IPO11: variants seen among roughly 807,000 people sequenced by gnomAD.
IPO11 encodes importin-11.
IPO11 carries 66 observed loss-of-function variants against 143.2 expected under a neutral mutation model. The ratio of observed to expected loss-of-function variants is 0.46; its 90% CI spans 0.38 to 0.57. The LOEUF (loss-of-function observed/expected upper bound fraction) is 0.57, where lower values mean the gene tolerates loss of function less well. Among genes scored for constraint, IPO11 ranks in the 20% least tolerant of loss-of-function variants. IPO11 has a pLI of 0.00. For missense variants in IPO11, 1,026 were observed against 1,141.0 expected (o/e 0.90, Z 1.45); for synonymous variants, 385 against 377.8 (o/e 1.02, Z -0.22).
chr5:62,513,907 C>T (rs1580269753), intron 19 of IPO11, among the ~76,000 whole-genome samples: 1 of 150,044 alleles, frequency 6.7e-6, no homozygotes. Context: ...TCCTCACCTC[C>T]CAGACGGGGT....
chr5:62,509,162 AAT>A (rs1200883360), intron 19 of IPO11, among the ~76,000 whole-genome samples: 4 of 152,194 alleles, frequency 2.6e-5, no homozygotes, highest in African/African-American at 4.8e-5. Context: ...AGATCTTATA[AAT>A]ATATAGTCAA....
chr5:62,590,001 C>T (rs969252664), intron 27 of IPO11, among the ~76,000 whole-genome samples: 1 of 152,312 alleles, frequency 6.6e-6, no homozygotes, highest in African/African-American at 2.4e-5. Context: ...AGGTCGAAGT[C>T]GTCTCCAGTC....
At chr5:62,568,929 TC>T (rs1288219536) in intron 27 of IPO11, among the ~76,000 whole-genome samples, 1 of 152,188 alleles carries the variant, frequency 6.6e-6, no homozygotes, top group African/African-American at 2.4e-5. Flanking sequence ...ACTGTTCACT[TC>T]CCTAAGCCTG....
intron 24 of IPO11, among the ~76,000 whole-genome samples, chr5:62,548,523 C>T (rs866613259): frequency 2.6e-5 from 4 of 152,212 alleles, no homozygotes; most frequent in Middle Eastern, 6.8e-3. Context: ...CTTTTAGACT[C>T]TTTAGAGAAA....
rs534466206 is a variant in IPO11, at chr5:62,620,863, C to G, written c.2764-6291C>G. The stretch of plus-strand genomic sequence containing the variant: ...CTTTCAGGTTAAATTTTAAGAGTGT[C>G]CTGGCCAAAGAGGAAGTCCATTCAA... On this transcript the variant is annotated intron_variant, in intron 29 of 29. Coordinates refer to ENST00000325324, the MANE Select transcript of IPO11 (RefSeq NM_016338.5). 2.2e-4 allele frequency among the ~76,000 whole-genome samples: 33 copies of G among 152,306 alleles called. 1 individual carries two copies. In the South Asian group the frequency reaches 6.6e-3, roughly 31 times the overall value.
At chr5:62,590,751 T>C (rs1464812841) in intron 27 of IPO11, among the ~76,000 whole-genome samples, 2 of 152,164 alleles carry the variant, frequency 1.3e-5, no homozygotes, top group East Asian at 3.8e-4. Flanking sequence ...ACCTCCTTAA[T>C]GTATAAAAAT....
intron 14 of IPO11, among the ~76,000 whole-genome samples, chr5:62,489,764 A>G (rs1454085988): frequency 6.6e-6 from 1 of 152,174 alleles, no homozygotes; most frequent in Non-Finnish European, 1.5e-5. Flanking sequence ...TAACTGGAAC[A>G]TTGGGGTTAA....
chr5:62,452,396 A>G (rs1744965414), intron 5 of IPO11, among the ~76,000 whole-genome samples: 1 of 151,206 alleles, frequency 6.6e-6, no homozygotes, highest in African/African-American at 2.5e-5. Context: ...CTTAGTTGCC[A>G]GTGAGGAGGA....
intron 27 of IPO11, among the ~76,000 whole-genome samples, chr5:62,589,612 T>A (rs1205592556): frequency 1.3e-5 from 2 of 152,182 alleles, no homozygotes; most frequent in African/African-American, 4.8e-5. Flanking sequence ...CTACCATCTC[T>A]TCTGATGTGG....
intron 5 of IPO11, among the ~76,000 whole-genome samples, chr5:62,455,039 T>C (rs1745079249): frequency 6.6e-6 from 1 of 152,182 alleles, no homozygotes; most frequent in African/African-American, 2.4e-5. Context: ...GGGTATCCTG[T>C]CTAATGCGGT....
In IPO11 at chr5:62,494,124, G is replaced by T; in HGVS notation, c.1590G>T (p.Val530=). The T allele has an allele frequency of 6.2e-7, 1 of 1,607,720 alleles. No individual in the cohort carries two copies. Among genetic ancestry groups the T allele is most frequent in the Non-Finnish European group, 8.5e-7 (1 of 1,177,212 alleles). ...ICNLLQDQDL[V]VRIETATTLK... ...ACTTGCTTCAAGATCAAGATTTAGT[G>T]GTATGTTTCTTAAGTGCCTTAAAAG... The change falls in exon 16 of 30, where the codon GTG becomes GTT. Residue 530 remains valine (V), a splice_region_variant and synonymous_variant. Coordinates refer to ENST00000325324, the MANE Select transcript of IPO11 (RefSeq NM_016338.5).
At chr5:62,512,867 C>T (rs1443529128) in intron 19 of IPO11, among the ~76,000 whole-genome samples, 1 of 143,512 alleles carries the variant, frequency 7.0e-6, no homozygotes, top group African/African-American at 2.6e-5. Context: ...CCTGAGTGGA[C>T]ACAGCACATA....
chr5:62,413,737 G>T (rs961298865), intron 1 of IPO11, among the ~76,000 whole-genome samples: 3 of 152,186 alleles, frequency 2.0e-5, no homozygotes, highest in African/African-American at 7.2e-5. Context: ...TCTTCAGAAG[G>T]AAGAATAGTT....
chr5:62,577,648 C>G (rs1179650461), intron 27 of IPO11, among the ~76,000 whole-genome samples: 4 of 151,992 alleles, frequency 2.6e-5, no homozygotes, highest in African/African-American at 9.7e-5. Flanking sequence ...TAACAGTAAC[C>G]AGCCATAATG....
intron 5 of IPO11, among the ~76,000 whole-genome samples, chr5:62,454,101 C>T (rs1004629553): frequency 1.3e-5 from 2 of 152,148 alleles, no homozygotes; most frequent in South Asian, 2.1e-4. Context: ...CACCACTGCA[C>T]TCCAGCCTGG....
chr5:62,449,840 T>C, intron 3 of IPO11, 87 bp from the exon 4 acceptor site: 3 of 821,002 alleles, frequency 3.7e-6, no homozygotes, highest in Non-Finnish European at 5.7e-6. Flanking sequence ...TTTGAAAGGC[T>C]TTTTATTAAA....
intron 22 of IPO11, among the ~76,000 whole-genome samples, chr5:62,534,061 G>A (rs1742651260): frequency 6.6e-6 from 1 of 152,056 alleles, no homozygotes; most frequent in Non-Finnish European, 1.5e-5. Flanking sequence ...TTTTTAGGAT[G>A]CGTTAATTAA....
At chr5:62,616,225 C>T (rs867881317) in intron 29 of IPO11, among the ~76,000 whole-genome samples, 1 of 152,130 alleles carries the variant, frequency 6.6e-6, no homozygotes, top group Non-Finnish European at 1.5e-5. Context: ...AGCAGTTAAT[C>T]TGTAGGTAGC....
At chr5:62,442,274 A>G (rs894702877) in intron 2 of IPO11, among the ~76,000 whole-genome samples, 8 of 152,166 alleles carry the variant, frequency 5.3e-5, no homozygotes, top group African/African-American at 1.9e-4. Context: ...TAGTGGGCCT[A>G]CTTTTTCTAA....
Sources: gnomAD v4.1 joint callset for allele counts (sites outside exome capture counted in the v4.1 genomes callset) on GRCh38, gnomAD v4.1.1 for gene constraint, MANE v1.5 for transcripts, NCBI Gene and HGNC (gene_info 2026-07-23, HGNC 2026-07-21) for gene names.